GART: variants seen among roughly 807,000 people sequenced by gnomAD.
The protein encoded by GART is phosphoribosylglycinamide formyltransferase, phosphoribosylglycinamide synthetase, phosphoribosylaminoimidazole synthetase.
GART carries 43 observed loss-of-function variants against 107.2 expected under a neutral mutation model. That is an observed-to-expected ratio of 0.40 (90% CI 0.31 to 0.52). The LOEUF is 0.52. GART is among the 20% of genes least tolerant of loss of function. The pLI, the probability that GART is intolerant of heterozygous loss-of-function variation, is 0.52. For synonymous variants in GART, 434 were observed against 427.0 expected (o/e 1.02, Z -0.20); for missense variants, 1,107 against 1,206.5 (o/e 0.92, Z 1.22).
rs1569005052 is a variant in GART at position 33,504,488 on chromosome 21, A to G, written c.2765T>C (p.Phe922Ser). The change falls in exon 21 of 22, where the codon TTT (phenylalanine) becomes TCT (serine). Residue 922 changes from phenylalanine to serine, a missense_variant. Phe to Ser is a radical substitution (Grantham distance 155). Transcript: ENST00000381815. Reference sequence around the variant, plus strand: ...TTGCTCATGGGCATTTGAACCCTTAAAAGAAGGGAGCAAGGATGGGTGGAT... The same window carrying G: ...TTGCTCATGGGCATTTGAACCCTTAGAAGAAGGGAGCAAGGATGGGTGGAT... ...LNIHPSLLPS[F>S]KGSNAHEQAL... 1.2e-6 allele frequency: 2 copies of G among 1,614,144 alleles called. No homozygotes were observed. Among genetic ancestry groups the G allele is most frequent in the Non-Finnish European group, 1.7e-6 (2 of 1,180,002 alleles).
intron 19 of GART, 102 bp downstream of exon 19, chr21:33,505,872 G>T (rs2084669090): frequency 2.0e-6 from 3 of 1,503,582 alleles, no homozygotes. Context: ...CACCCAAAAT[G>T]GCGAAGTCCC....
At chr21:33,513,105 CTGTGTGTGTGTGTGTGTGTG>C (rs3057407) in intron 16 of GART, among the ~76,000 whole-genome samples, 7 of 144,554 alleles carry the variant, frequency 4.8e-5, no homozygotes, top group Non-Finnish European at 7.5e-5. Flanking sequence ...GTGTGTGTCT[CTGTGTGTGTGTGTGTGTGTG>C]TGTGTGTGTG....
intron 16 of GART, among the ~76,000 whole-genome samples, chr21:33,515,700 C>T (rs965163123): frequency 7.7e-6 from 1 of 130,294 alleles, no homozygotes; most frequent in Admixed American, 7.7e-5. Context: ...CAAAAAAGAA[C>T]ACAGGGAGGG....
intron 7 of GART, 34 bp from the exon 8 acceptor site, chr21:33,528,971 G>A (rs767239038): frequency 6.9e-6 from 10 of 1,441,178 alleles, no homozygotes; most frequent in Non-Finnish European, 9.8e-6. Flanking sequence ...AAATGTAACA[G>A]GTAACTTAAA....
At chr21:33,520,210 G>C (rs2084944802) in intron 14 of GART, among the ~76,000 whole-genome samples, 154 bp downstream of exon 14, 1 of 152,040 alleles carries the variant, frequency 6.6e-6, no homozygotes, top group Non-Finnish European at 1.5e-5. Flanking sequence ...AATTCAGGTA[G>C]TTTTACCTAT....
chr21:33,521,113 G>T, intron 12 of GART, 98 bp from the exon 13 acceptor site: 1 of 888,134 alleles, frequency 1.1e-6, no homozygotes, highest in Non-Finnish European at 1.8e-6. Flanking sequence ...ATATTTAGCG[G>T]CCTGTGAGAT....
chr21:33,541,732 A>C (rs2085431779), intron 1 of GART, among the ~76,000 whole-genome samples: 1 of 152,224 alleles, frequency 6.6e-6, no homozygotes, highest in South Asian at 2.1e-4. Flanking sequence ...TATGGAGAAT[A>C]AAGTAGAAAC....
At chr21:33,515,664 A>AC (rs1288371141) in intron 16 of GART, among the ~76,000 whole-genome samples, 1 of 151,008 alleles carries the variant, frequency 6.6e-6, no homozygotes, top group Non-Finnish European at 1.5e-5. Context: ...AAAAAAAAAA[A>AC]AAAAAAAAAA....
chr21:33,531,029 T>C, intron 6 of GART, 145 bp from the exon 7 acceptor site: 1 of 611,610 alleles, frequency 1.6e-6, no homozygotes, highest in Non-Finnish European at 2.4e-6. Flanking sequence ...GAAACGTCAA[T>C]AACATTAAGC....
At chr21:33,538,616 C>T (rs567721425) in intron 2 of GART, among the ~76,000 whole-genome samples, 1 of 152,280 alleles carries the variant, frequency 6.6e-6, no homozygotes. Context: ...TAGGCACTTA[C>T]TACTTTTCCA....
chr21:33,515,738 T>C (rs933572706), intron 16 of GART, among the ~76,000 whole-genome samples: 1 of 150,884 alleles, frequency 6.6e-6, no homozygotes, highest in African/African-American at 2.4e-5. Context: ...TTTTGCTGCA[T>C]GCATAAAATT....
chr21:33,531,378 G>T (rs943818385), intron 6 of GART, 111 bp downstream of exon 6: 3 of 901,854 alleles, frequency 3.3e-6, no homozygotes, highest in African/African-American at 1.7e-5. Flanking sequence ...TAACTGCTGG[G>T]TTTATGTTTT....
At position 33,514,198 on chromosome 21, in the gene GART, G is replaced by A. The variant is rs1407837645; in HGVS notation, c.2108-2740C>T. On this transcript the variant is annotated intron_variant, in intron 16 of 21. Transcript: ENST00000381815. ...TCGGAGAATCACTTGAACCCAGGAC[G>A]TTGGGGCAATAGTGAGCTGTGATCG... is the stretch of plus-strand genomic sequence containing the variant. Among the ~76,000 whole-genome samples the A allele has an allele frequency of 3.9e-5, 6 of 152,122 alleles. 1 individual carries two copies. In the South Asian group the frequency reaches 8.3e-4, roughly 21 times the overall value.
At chr21:33,535,748 C>T (rs1036666796) in intron 2 of GART, among the ~76,000 whole-genome samples, 5 of 152,190 alleles carry the variant, frequency 3.3e-5, no homozygotes, top group Admixed American at 6.5e-5. Context: ...GTCAACACGG[C>T]GGGGCGCGGT....
intron 14 of GART, chr21:33,519,209 CAT>C (rs974346922): frequency 6.2e-6 from 1 of 162,292 alleles, no homozygotes; most frequent in Non-Finnish European, 1.3e-5. Flanking sequence ...TAGATGCACA[CAT>C]GTGCAGATGC....
intron 16 of GART, 111 bp downstream of exon 16, chr21:33,516,877 TA>T (rs1279295105): frequency 3.2e-6 from 3 of 928,330 alleles, no homozygotes; most frequent in Non-Finnish European, 3.2e-6. Context: ...CCCCAATGAT[TA>T]AGAATTTTCC....
intron 6 of GART, chr21:33,531,179 G>GCA: frequency 2.5e-6 from 1 of 393,218 alleles, no homozygotes; most frequent in East Asian, 4.3e-5. Flanking sequence ...TTAAAACTTG[G>GCA]TTTAAGGTGA....
intron 14 of GART, 135 bp downstream of exon 14, chr21:33,520,229 T>C: frequency 1.4e-6 from 1 of 704,622 alleles, no homozygotes; most frequent in Non-Finnish European, 2.4e-6. Context: ...ATATTTCATT[T>C]GTGCATATCA....
At chr21:33,527,612 G>A (rs939507288) in intron 10 of GART, among the ~76,000 whole-genome samples, 6 of 151,946 alleles carry the variant, frequency 3.9e-5, no homozygotes, top group Admixed American at 6.6e-5. Flanking sequence ...TTGGACTTAC[G>A]GCACTGGAAC....
Sources: gnomAD v4.1 joint callset for allele counts (sites outside exome capture counted in the v4.1 genomes callset) on GRCh38, gnomAD v4.1.1 for gene constraint, MANE v1.5 for transcripts, NCBI Gene and HGNC (gene_info 2026-07-23, HGNC 2026-07-21) for gene names.